Variants in SNRPA1 observed in about 807,000 individuals in gnomAD.
SNRPA1 encodes U2 small nuclear ribonucleoprotein A'.
SNRPA1 carries 5 observed loss-of-function variants against 32.3 expected under a neutral mutation model. The observed-to-expected ratio is 0.15, with a 90% CI of 0.08 to 0.33. The LOEUF (loss-of-function observed/expected upper bound fraction) is 0.33, where lower values mean the gene tolerates loss of function less well. SNRPA1 is among the 10% of genes least tolerant of loss of function. The pLI, the probability that SNRPA1 is intolerant of heterozygous loss-of-function variation, is 1.00. For synonymous variants in SNRPA1, 111 were observed against 120.1 expected (o/e 0.92, Z 0.50); for missense variants, 198 against 311.1 (o/e 0.64, Z 2.74).
At position 101,295,247 on chromosome 15, in the gene SNRPA1, G is replaced by A. The variant is rs1248017877; in HGVS notation, c.-69C>T. On this transcript the variant is annotated 5_prime_UTR_variant, in exon 1 of 9. Coordinates refer to ENST00000254193, the MANE Select transcript of SNRPA1 (RefSeq NM_003090.4). Reference sequence around the variant, plus strand: ...TCCCGCCAGCGAGACGTCCCAGCGTGCCCCGCGCCCCGCCGCCAGGCAGCA... The same window carrying A: ...TCCCGCCAGCGAGACGTCCCAGCGTACCCCGCGCCCCGCCGCCAGGCAGCA... 45 of 1,318,692 alleles carry A rather than the reference G, an allele frequency of 3.4e-5. No homozygotes were observed. The highest frequency in any genetic ancestry group is 4.3e-5 in the Non-Finnish European group (43 of 995,636). 81.7% of individuals were successfully genotyped at this position (1,318,692 alleles called of 1,614,324 possible). A position where few individuals can be genotyped will look rare whatever the true frequency, so the allele number is the denominator to read the frequency against.
At chr15:101,291,519 CTT>C (rs61273059) in intron 3 of SNRPA1, among the ~76,000 whole-genome samples, 52,050 of 145,698 alleles carry the variant, frequency 0.36, 8,890 homozygotes, top group Middle Eastern at 0.4. Flanking sequence ...AGATAGTTTA[CTT>C]TTTTTTTTTT....
chr15:101,293,856 G>C (rs2141315794), intron 1 of SNRPA1, among the ~76,000 whole-genome samples: 1 of 152,320 alleles, frequency 6.6e-6, no homozygotes, highest in Non-Finnish European at 1.5e-5. Context: ...ACACAATTCA[G>C]AGCTGTACTA....
At chr15:101,290,635 G>C (rs888493803) in intron 3 of SNRPA1, among the ~76,000 whole-genome samples, 4 of 150,356 alleles carry the variant, frequency 2.7e-5, no homozygotes, top group Non-Finnish European at 5.9e-5. Flanking sequence ...ACAGAGACAT[G>C]ATCATGTCTC....
chr15:101,285,779 G>T lies in SNRPA1; in HGVS notation c.562C>A (p.Pro188Thr). Residue 188 changes from proline to threonine, a missense_variant, in exon 7 of 9, where the codon CCA becomes ACA. Around this residue, in one of 3 missense-constraint regions of SNRPA1, gnomAD observed 77 missense variants for 120.1 expected, o/e 0.64. Coordinates refer to ENST00000254193, the MANE Select transcript of SNRPA1 (RefSeq NM_003090.4). ...GGCCCACCTTTCTTTTTGTCAGTTG[G>T]CAAACCAGCACCTGGATTAAAACTT... Reference protein sequence around the residue: ...SKTFNPGAGLPTDKKKGGPSP... With the variant: ...SKTFNPGAGLTTDKKKGGPSP... The T allele has an allele frequency of 6.2e-7, 1 of 1,613,428 alleles. No homozygotes were observed. The highest frequency in any genetic ancestry group is 8.5e-7 in the Non-Finnish European group (1 of 1,179,610).
chr15:101,284,770 G>T, intron 8 of SNRPA1, 197 bp downstream of exon 8: 1 of 445,052 alleles, frequency 2.2e-6, no homozygotes, highest in Non-Finnish European at 4.3e-6. Context: ...CCAAAGTGCT[G>T]GGATTACAGG....
In SNRPA1 at chr15:101,293,156, G is replaced by A. The variant is rs146167022; in HGVS notation, c.99C>T (p.Val33=). 2 of 1,608,226 alleles carry A rather than the reference G, an allele frequency of 1.2e-6. No individual in the cohort carries two copies. Among genetic ancestry groups the A allele is most frequent in the Middle Eastern group, 1.7e-4 (1 of 6,056 alleles). The change falls in exon 2 of 9, where the codon GTC becomes GTT. Residue 33 remains valine, a synonymous_variant. Transcript: ENST00000254193. ...CTAACGTAGCACCTAGATTTTCAATGACGGGAATTTTATACCCTATAAAAT... is the reference window on the plus strand; with the variant it reads ...CTAACGTAGCACCTAGATTTTCAATAACGGGAATTTTATACCCTATAAAAT... ...ELDLRGYKIP[V]IENLGATLDQ...
At chr15:101,294,848 C>T (rs2039570079) in intron 1 of SNRPA1, 1 of 406,966 alleles carries the variant, frequency 2.5e-6, no homozygotes, top group African/African-American at 2.1e-5. Flanking sequence ...GAGGACGCAC[C>T]AGGAAGTAAT....
intron 6 of SNRPA1, 32 bp from the exon 7 acceptor site, chr15:101,285,833 C>T (rs771393074): frequency 3.2e-6 from 5 of 1,540,700 alleles, no homozygotes; most frequent in Admixed American, 1.7e-5. Flanking sequence ...ACTGTTAGAC[C>T]TAGACCAACA....
chr15:101,283,309 G>T (rs756727482), intron 8 of SNRPA1, among the ~76,000 whole-genome samples: 7 of 152,092 alleles, frequency 4.6e-5, no homozygotes, highest in Non-Finnish European at 8.8e-5. Context: ...AGCACTTTGG[G>T]AGGCCAAGGC....
At chr15:101,291,138 C>A (rs2039522031) in intron 3 of SNRPA1, among the ~76,000 whole-genome samples, 1 of 152,200 alleles carries the variant, frequency 6.6e-6, no homozygotes, top group African/African-American at 2.4e-5. Flanking sequence ...ACCTTGGCTT[C>A]CCAAAGTGCT....
chr15:101,283,748 A>C (rs975246980), intron 8 of SNRPA1, among the ~76,000 whole-genome samples: 1 of 152,232 alleles, frequency 6.6e-6, no homozygotes, highest in Non-Finnish European at 1.5e-5. Flanking sequence ...GATTGAGACC[A>C]TCCTGGCCAA....
chr15:101,287,883 G>A (rs1158743475), intron 3 of SNRPA1, 181 bp from the exon 4 acceptor site: 2 of 567,458 alleles, frequency 3.5e-6, no homozygotes, highest in Admixed American at 3.0e-5. Flanking sequence ...TGAATACATG[G>A]GAGCTTCTTA....
intron 8 of SNRPA1, 195 bp downstream of exon 8, chr15:101,284,772 G>A (rs1248388075): frequency 2.2e-6 from 1 of 459,812 alleles, no homozygotes; most frequent in Non-Finnish European, 4.1e-6. Flanking sequence ...AAAGTGCTGG[G>A]ATTACAGGCG....
At chr15:101,290,384 G>A (rs1006024908) in intron 3 of SNRPA1, among the ~76,000 whole-genome samples, 23 of 151,906 alleles carry the variant, frequency 1.5e-4, no homozygotes, top group Non-Finnish European at 1.5e-4. Context: ...TATGTATTTC[G>A]GGTTGAATAC....
At chr15:101,291,697 T>G (rs2039528188) in intron 3 of SNRPA1, among the ~76,000 whole-genome samples, 1 of 152,300 alleles carries the variant, frequency 6.6e-6, no homozygotes, top group Middle Eastern at 3.4e-3. Flanking sequence ...TCAAAAGGGC[T>G]ACAATAAAGA....
At chr15:101,294,932 G>A in intron 1 of SNRPA1, 165 bp downstream of exon 1, 2 of 478,106 alleles carry the variant, frequency 4.2e-6, no homozygotes, top group Admixed American at 8.6e-5. Context: ...TGCTCATCTG[G>A]CAACAACGGC....
intron 3 of SNRPA1, among the ~76,000 whole-genome samples, chr15:101,290,656 C>T (rs895094758): frequency 4.0e-5 from 6 of 151,172 alleles, no homozygotes; most frequent in African/African-American, 1.2e-4. Context: ...ACTGCAGCCT[C>T]GACTGATGGC....
chr15:101,282,732 A>T (rs2039410561), intron 8 of SNRPA1, among the ~76,000 whole-genome samples: 1 of 152,220 alleles, frequency 6.6e-6, no homozygotes, highest in Non-Finnish European at 1.5e-5. Flanking sequence ...CAAAAATGTC[A>T]CACCCATTAA....
intron 8 of SNRPA1, among the ~76,000 whole-genome samples, chr15:101,283,248 T>C (rs2039416507): frequency 1.3e-5 from 2 of 152,178 alleles, no homozygotes; most frequent in Non-Finnish European, 2.9e-5. Flanking sequence ...CTTGGTGTTA[T>C]TAGATGAAAA....
Sources: gnomAD v4.1 joint callset for allele counts (sites outside exome capture counted in the v4.1 genomes callset) on GRCh38, gnomAD v4.1.1 for gene constraint, gnomAD v4.1.1 regional missense constraint, MANE v1.5 for transcripts, NCBI Gene and HGNC (gene_info 2026-07-23, HGNC 2026-07-21) for gene names.